Variants in PRIM2 observed in about 807,000 individuals in gnomAD.
The protein encoded by PRIM2 is DNA primase large subunit.
PRIM2 carries 39 observed loss-of-function variants against 67.3 expected under a neutral mutation model. The observed-to-expected ratio is 0.58, with a 90% confidence interval of 0.45 to 0.76. The LOEUF (loss-of-function observed/expected upper bound fraction) is 0.76. Among genes scored for constraint, PRIM2 ranks in the 30% least tolerant of loss-of-function variants. PRIM2 has a pLI of 0.00. For missense variants in PRIM2, 398 were observed against 598.7 expected (o/e 0.66, Z 3.50); for synonymous variants, 143 against 198.7 (o/e 0.72, Z 2.36).
chr6:57,385,678 C>T (rs1222755154), intron 7 of PRIM2, among the ~76,000 whole-genome samples: 2 of 152,152 alleles, frequency 1.3e-5, no homozygotes, highest in African/African-American at 4.8e-5. Flanking sequence ...GCAATAGATT[C>T]TTAGTTTCTC....
At chr6:57,277,765 G>A in the PRIM2 span, among the ~76,000 whole-genome samples, 1 of 151,816 alleles carries the variant, frequency 6.6e-6, no homozygotes, top group Middle Eastern at 3.2e-3. Context: ...TGGATCACAA[G>A]GTCAGGAGAT....
chr6:57,420,284 C>G (rs572834500), intron 7 of PRIM2, among the ~76,000 whole-genome samples: 13 of 152,072 alleles, frequency 8.5e-5, no homozygotes, highest in Non-Finnish European at 1.9e-4. Context: ...GCGGGTAGAT[C>G]ACGAGGTCAG....
At chr6:57,530,441 A>T (rs1774862725) in intron 8 of PRIM2, among the ~76,000 whole-genome samples, 1 of 152,228 alleles carries the variant, frequency 6.6e-6, no homozygotes, top group South Asian at 2.1e-4. Flanking sequence ...TTCACTGATC[A>T]ACCTTTGTTC....
chr6:57,254,915 C>G, the PRIM2 span, among the ~76,000 whole-genome samples: 3 of 152,204 alleles, frequency 2.0e-5, no homozygotes, highest in South Asian at 4.1e-4. Flanking sequence ...CACTAACACA[C>G]AGACATATAG....
intron 5 of PRIM2, among the ~76,000 whole-genome samples, chr6:57,378,845 C>T (rs1474941145): frequency 1.3e-5 from 2 of 152,092 alleles, no homozygotes; most frequent in Non-Finnish European, 2.9e-5. Flanking sequence ...AGGAGGTTGA[C>T]CCAAATAATA....
the PRIM2 span, among the ~76,000 whole-genome samples, chr6:57,263,769 T>A: frequency 5.3e-5 from 8 of 152,328 alleles, no homozygotes; most frequent in South Asian, 1.5e-3. Flanking sequence ...TTTATAGTAA[T>A]CTATCTTTTA....
chr6:57,383,126 G>C (rs1404477938), intron 7 of PRIM2: 3 of 152,198 alleles, frequency 2.0e-5, no homozygotes, highest in Non-Finnish European at 4.4e-5. Context: ...CATGAAAGTT[G>C]ATGCTTTTAA....
chr6:57,635,975 C>T (rs1777115208), intron 13 of PRIM2, among the ~76,000 whole-genome samples: 2 of 152,192 alleles, frequency 1.3e-5, no homozygotes. Flanking sequence ...AATGTATCCT[C>T]TAAAGGCCTC....
chr6:57,234,682 C>T, the PRIM2 span, among the ~76,000 whole-genome samples: 2 of 152,100 alleles, frequency 1.3e-5, no homozygotes, highest in Non-Finnish European at 2.9e-5. Flanking sequence ...TACCACCATG[C>T]CCAGCTAATT....
chr6:57,453,398 T>C (rs1322699866), intron 7 of PRIM2, among the ~76,000 whole-genome samples: 2 of 152,212 alleles, frequency 1.3e-5, no homozygotes, highest in African/African-American at 4.8e-5. Flanking sequence ...TTTCACAATA[T>C]TGATTCTTCC....
chr6:57,461,124 T>C (rs1265571285), intron 7 of PRIM2, among the ~76,000 whole-genome samples: 2 of 152,326 alleles, frequency 1.3e-5, no homozygotes, highest in Non-Finnish European at 2.9e-5. Flanking sequence ...AGAAAGCTCA[T>C]GCAGAGATAC....
chr6:57,312,082 T>G (rs1297166620), upstream of PRIM2, among the ~76,000 whole-genome samples: 1 of 150,488 alleles, frequency 6.6e-6, no homozygotes, highest in Non-Finnish European at 1.5e-5. Context: ...GAGAGGGCTT[T>G]TCTACTGTTT....
intron 7 of PRIM2, among the ~76,000 whole-genome samples, chr6:57,469,400 A>C (rs1581937816): frequency 1.3e-5 from 2 of 152,266 alleles, no homozygotes; most frequent in Admixed American, 1.3e-4. Flanking sequence ...TTTTGTAACC[A>C]TTACAATGAG....
Position 57,646,084 on chromosome 6 carries a change from G to A in PRIM2, c.1456G>A (p.Ala486Thr). 1 of 1,603,980 alleles carries A rather than the reference G, an allele frequency of 6.2e-7. No individual in the cohort carries two copies. The highest frequency in any genetic ancestry group is 8.5e-7 in the Non-Finnish European group (1 of 1,170,824). ...CCAGAAAACCAAGGATGCATCATCT[G>A]CTCTGGCCTCTTTAAATTCCTCTCT... ...SVQKTKDASS[A>T]LASLNSSLEM... The change falls in exon 14 of 14, where the codon GCT becomes ACT. Residue 486 changes from alanine (A) to threonine (T), a missense_variant. Ala to Thr is a moderately conservative substitution (Grantham distance 58, BLOSUM62 0). Around this residue, in one of 4 missense-constraint regions of PRIM2, gnomAD observed 72 missense variants for 89.4 expected, o/e 0.81. Coordinates refer to ENST00000615550, the MANE Select transcript of PRIM2 (RefSeq NM_000947.5).
chr6:57,236,843 CTT>C, the PRIM2 span, among the ~76,000 whole-genome samples: 2 of 152,144 alleles, frequency 1.3e-5, no homozygotes, highest in Admixed American at 1.3e-4. Context: ...GGTTCCAAGT[CTT>C]TGCTATTGTG....
At chr6:57,288,573 G>C in the PRIM2 span, among the ~76,000 whole-genome samples, 1 of 152,088 alleles carries the variant, frequency 6.6e-6, no homozygotes, top group Admixed American at 6.6e-5. Context: ...GAGACAGGGG[G>C]CCCCTCTGGG....
rs1235310242 is a variant in PRIM2 at position 57,628,564 on chromosome 6, G to A, written c.1231-3569G>A. Reference sequence around the variant, plus strand: ...ATATGGGTATGTTGCATGATGCTGAGGCTTGGGCTGCTAATGATCCCATTG... The same window carrying A: ...ATATGGGTATGTTGCATGATGCTGAAGCTTGGGCTGCTAATGATCCCATTG... On this transcript the variant is annotated intron_variant, in intron 12 of 13. Transcript: ENST00000615550. Among the ~76,000 whole-genome samples the A allele has an allele frequency of 1.4e-3, 209 of 152,274 alleles. 4 individuals are homozygous for A. In the East Asian group the frequency reaches 0.019, roughly 14 times the overall value.
At chr6:57,340,818 G>T (rs1196268413) in intron 5 of PRIM2, among the ~76,000 whole-genome samples, 1 of 152,028 alleles carries the variant, frequency 6.6e-6, no homozygotes, top group Non-Finnish European at 1.5e-5. Flanking sequence ...TAACAAACCT[G>T]CACATTGTGC....
At position 57,601,198 on chromosome 6, in the gene PRIM2, C is replaced by T. The variant is rs1776457448; in HGVS notation, c.1126C>T (p.Pro376Ser). ...SCLKIILSNPPSQGDYHGCPF... is the reference protein window; with the variant it reads ...SCLKIILSNPSSQGDYHGCPF... ...CCTGAAGATTATTCTGTCCAATCCA[C>T]CAAGCCAAGGGGATTATCATGGTAA... Residue 376 changes from proline (P) to serine (S), a missense_variant, in exon 11 of 14, where the codon CCA becomes TCA. Pro to Ser is a moderately conservative substitution (Grantham distance 74). Coordinates refer to ENST00000615550, the MANE Select transcript of PRIM2 (RefSeq NM_000947.5). 4 of 1,608,784 alleles carry T rather than the reference C, an allele frequency of 2.5e-6. No homozygotes were observed. The African/African-American group carries it at 4.0e-5, about 16-fold the overall frequency.
Sources: gnomAD v4.1 joint callset for allele counts (sites outside exome capture counted in the v4.1 genomes callset) on GRCh38, gnomAD v4.1.1 for gene constraint, gnomAD v4.1.1 regional missense constraint, MANE v1.5 for transcripts, NCBI Gene and HGNC (gene_info 2026-07-23, HGNC 2026-07-21) for gene names.